The following SLC16A2 variants were observed in gnomAD, a reference collection of about 807,000 sequenced individuals.
SLC16A2 encodes monocarboxylate transporter 8.
Under a neutral mutation model 27.2 loss-of-function variants are expected in SLC16A2, and 3 were observed. The ratio of observed to expected loss-of-function variants is 0.11; its 90% confidence interval spans 0.05 to 0.28. The LOEUF (loss-of-function observed/expected upper bound fraction) is 0.28, where lower values mean the gene tolerates loss of function less well. SLC16A2 is among the 10% of genes least tolerant of loss of function. The probability of loss-of-function intolerance (pLI) is 1.00; values close to 1 mark genes in which losing one functional copy is unlikely to be tolerated. For missense variants in SLC16A2, 295 were observed against 458.5 expected (o/e 0.64, Z 3.26); for synonymous variants, 202 against 187.8 (o/e 1.08, Z -0.62).
chrX:74,495,940 C>G (rs1324185733), intron 1 of SLC16A2, among the ~76,000 whole-genome samples: 1 of 111,093 alleles, frequency 9.0e-6, no homozygotes, highest in Non-Finnish European at 1.9e-5. Context: ...TCCCTGCTCC[C>G]GATCCCCAAG....
At chrX:74,517,546 AT>A (rs1930335162) in intron 1 of SLC16A2, among the ~76,000 whole-genome samples, 1 of 111,662 alleles carries the variant, frequency 9.0e-6, no homozygotes, top group Non-Finnish European at 1.9e-5. Context: ...CATAAATGAG[AT>A]CTTGAACTGG....
intron 1 of SLC16A2, among the ~76,000 whole-genome samples, chrX:74,462,907 G>A (rs1929179086): frequency 8.9e-6 from 1 of 112,106 alleles, no homozygotes; most frequent in African/African-American, 3.2e-5. Flanking sequence ...TCTGGCCTGA[G>A]AAGCCCAAAA....
At chrX:74,497,197 G>T (rs1207268963) in intron 1 of SLC16A2, among the ~76,000 whole-genome samples, 1 of 111,817 alleles carries the variant, frequency 8.9e-6, no homozygotes, top group Non-Finnish European at 1.9e-5. Context: ...CAGGTCCGGG[G>T]TGAAGCCCCA....
intron 1 of SLC16A2, among the ~76,000 whole-genome samples, chrX:74,470,392 T>A (rs1258823350): frequency 8.9e-6 from 1 of 112,138 alleles, no homozygotes; most frequent in Non-Finnish European, 1.9e-5. Context: ...TATAAGAAAC[T>A]GCCAGACTGT....
intron 1 of SLC16A2, among the ~76,000 whole-genome samples, chrX:74,453,789 C>G (rs781002451): frequency 1.6e-4 from 18 of 111,110 alleles, no homozygotes; most frequent in Non-Finnish European, 3.2e-4. Context: ...GACACCCAGT[C>G]GGCACGAGGT....
chrX:74,437,354 C>T (rs777661377), intron 1 of SLC16A2, among the ~76,000 whole-genome samples: 1 of 112,462 alleles, frequency 8.9e-6, no homozygotes, highest in African/African-American at 3.2e-5. Context: ...GTGTGAGGCT[C>T]TTTTGCCTCC....
At chrX:74,511,020 A>G (rs1191898765) in intron 1 of SLC16A2, among the ~76,000 whole-genome samples, 3 of 110,386 alleles carry the variant, frequency 2.7e-5, no homozygotes, top group African/African-American at 9.9e-5. Flanking sequence ...GCAGTGAGCC[A>G]TGATTGTGCC....
chrX:74,514,931 C>T (rs1930293049), intron 1 of SLC16A2, among the ~76,000 whole-genome samples: 1 of 111,430 alleles, frequency 9.0e-6, no homozygotes, highest in African/African-American at 3.3e-5. Flanking sequence ...TCAGAAGAGG[C>T]CTTCTAAAAC....
intron 3 of SLC16A2, among the ~76,000 whole-genome samples, chrX:74,525,267 G>T (rs926330250): frequency 8.0e-5 from 9 of 111,964 alleles, no homozygotes; most frequent in African/African-American, 2.9e-4. Flanking sequence ...ATTCAGCTTT[G>T]TTTAACTCAC....
At chrX:74,521,267 C>T (rs1345952594) in intron 2 of SLC16A2, 133 bp downstream of exon 2, 1 of 780,130 alleles carries the variant, frequency 1.3e-6, no homozygotes, top group Middle Eastern at 4.3e-4. Flanking sequence ...AGATCCTGCA[C>T]CCTGGATTCA....
intron 5 of SLC16A2, among the ~76,000 whole-genome samples, chrX:74,530,226 G>A (rs1159714745): frequency 3.7e-5 from 4 of 107,337 alleles, no homozygotes; most frequent in Non-Finnish European, 3.8e-5. Context: ...TCAGTCTCCC[G>A]AGTAGCTGGG....
intron 1 of SLC16A2, chrX:74,473,338 T>A (rs773579465): frequency 1.8e-6 from 1 of 543,536 alleles, no homozygotes; most frequent in South Asian, 2.4e-5. Context: ...TCCATGACCA[T>A]GATCAAAGTT....
rs762055288 is a variant in SLC16A2, at chrX:74,485,216, C to CAA, written c.431-35757_431-35756dup. ...GAGCAACAAGAGCAAAATGCCATCT[C>CAA]AAAAAAAAAAAAAAAAAATTAAGGA... is the stretch of plus-strand genomic sequence containing the variant. On this transcript the variant is annotated intron_variant, in intron 1 of 5. Coordinates refer to ENST00000587091, the MANE Select transcript of SLC16A2 (RefSeq NM_006517.5). 5.9e-3 allele frequency among the ~76,000 whole-genome samples: 222 copies of CAA among 37,348 alleles called. 1 individual carries two copies. Among genetic ancestry groups the CAA allele is most frequent in the Non-Finnish European group, 7.5e-3 (140 of 18,700 alleles). The allele number at this position is 37,348 out of a possible 115,157, so 32.4% of individuals were successfully genotyped here.
intron 1 of SLC16A2, among the ~76,000 whole-genome samples, chrX:74,431,771 G>A (rs1279033913): frequency 8.9e-6 from 1 of 111,929 alleles, no homozygotes; most frequent in Admixed American, 9.5e-5. Flanking sequence ...GTGTGAGTAT[G>A]TGAAAGATCT....
At chrX:74,451,963 A>G (rs1382106624) in intron 1 of SLC16A2, among the ~76,000 whole-genome samples, 1 of 112,772 alleles carries the variant, frequency 8.9e-6, no homozygotes, top group African/African-American at 3.2e-5. Flanking sequence ...AGGATCCTAT[A>G]GTTAAGAGCC....
chrX:74,425,367 A>G (rs978054185), intron 1 of SLC16A2, among the ~76,000 whole-genome samples: 1 of 111,359 alleles, frequency 9.0e-6, no homozygotes, highest in Non-Finnish European at 1.9e-5. Flanking sequence ...CCTGGGTCCT[A>G]GGCTTGGGTG....
intron 1 of SLC16A2, among the ~76,000 whole-genome samples, chrX:74,476,063 A>C (rs374584740): frequency 0.051 from 5,656 of 110,895 alleles, 149 homozygotes; most frequent in African/African-American, 0.1. Flanking sequence ...TCTATAAATT[A>C]CCTTGGGCAG....
intron 2 of SLC16A2, 45 bp downstream of exon 2, chrX:74,521,179 G>GT: frequency 8.4e-7 from 1 of 1,196,875 alleles, no homozygotes; most frequent in Non-Finnish European, 1.1e-6. Context: ...CTGAGGGTTG[G>GT]TTTTTTTCTG....
intron 1 of SLC16A2, among the ~76,000 whole-genome samples, chrX:74,444,018 G>A (rs983724611): frequency 9.0e-6 from 1 of 111,229 alleles, no homozygotes; most frequent in Non-Finnish European, 1.9e-5. Flanking sequence ...TGGGGGCAGG[G>A]GCAGGAGGAG....
Sources: allele counts gnomAD v4.1 joint callset (sites outside exome capture counted in the v4.1 genomes callset), GRCh38; gene constraint gnomAD v4.1.1; transcripts MANE v1.5; gene names NCBI Gene and HGNC (gene_info 2026-07-23, HGNC 2026-07-21).